The following SLC26A4 variants were observed in gnomAD, a reference collection of about 807,000 sequenced individuals.
SLC26A4 encodes the protein solute carrier family 26 member 4, also known as pendrin.
Under a neutral mutation model 90.4 loss-of-function variants are expected in SLC26A4, and 93 were observed. The observed-to-expected ratio is 1.03, with a 90% CI of 0.87 to 1.22. SLC26A4 has a LOEUF of 1.22. SLC26A4 is among the 50% of genes most tolerant of loss of function. SLC26A4 has a pLI of 0.00. For missense variants in SLC26A4, 1,127 were observed against 946.2 expected, an observed-to-expected ratio of 1.19 and a Z score of -2.51; for synonymous variants, 393 against 354.6, an observed-to-expected ratio of 1.11 and a Z score of -1.22.
intron 12 of SLC26A4, among the ~76,000 whole-genome samples, chr7:107,695,698 A>T (rs558421828): frequency 5.2e-4 from 79 of 152,254 alleles, no homozygotes; most frequent in South Asian, 1.2e-3. Context: ...GGGTAGTCCC[A>T]GCTACTTGGG....
At chr7:107,693,214 C>A in intron 10 of SLC26A4, 1 of 768,540 alleles carries the variant, frequency 1.3e-6, no homozygotes, top group Non-Finnish European at 1.6e-6. Context: ...AGCTTCTCTG[C>A]TTAGTCAGGA....
intron 8 of SLC26A4, among the ~76,000 whole-genome samples, chr7:107,686,348 C>CCCTTCCCTCCCTTCCCT (rs1791406832): frequency 7.2e-6 from 1 of 138,388 alleles, no homozygotes; most frequent in African/African-American, 2.7e-5. Context: ...TCCCTTTCCT[C>CCCTTCCCTCCCTTCCCT]CCCTTCCTAC....
rs201562855 is a variant in SLC26A4 at position 107,690,148 on chromosome 7, A to T, written c.1174A>T (p.Asn392Tyr). 3.7e-6 allele frequency: 6 copies of T among 1,612,002 alleles called. No homozygotes were observed. The East Asian group carries it at 1.3e-4, about 36-fold the overall frequency. ...GGAATTCATTGCCTTTGGGATCAGC[A>T]ACATCTTCTCAGGATTCTTCTCTTG... ...NQEFIAFGIS[N>Y]IFSGFFSCFV... The change falls in exon 10 of 21, where the codon AAC becomes TAC. Residue 392 changes from asparagine (N) to tyrosine (Y), a missense_variant. Transcript: ENST00000644269.
intron 18 of SLC26A4, among the ~76,000 whole-genome samples, chr7:107,706,372 C>T (rs1231939172): frequency 6.6e-6 from 1 of 152,162 alleles, no homozygotes; most frequent in Non-Finnish European, 1.5e-5. Context: ...TGCTTGAGCC[C>T]AGGAATTCAA....
At chr7:107,695,719 G>T (rs371727811) in intron 12 of SLC26A4, among the ~76,000 whole-genome samples, 8 of 152,018 alleles carry the variant, frequency 5.3e-5, no homozygotes, top group Admixed American at 5.2e-4. Flanking sequence ...AGGCTGAGGC[G>T]GGAGGATCAC....
At chr7:107,662,852 T>C (rs1293446297) in intron 2 of SLC26A4, among the ~76,000 whole-genome samples, 1 of 152,210 alleles carries the variant, frequency 6.6e-6, no homozygotes, top group South Asian at 2.1e-4. Flanking sequence ...TTCCTCATGC[T>C]AAGATTTTTG....
chr7:107,698,575 C>T (rs1022650963), intron 14 of SLC26A4, among the ~76,000 whole-genome samples: 1 of 152,104 alleles, frequency 6.6e-6, no homozygotes, highest in Non-Finnish European at 1.5e-5. Flanking sequence ...TCTTGGCCTC[C>T]CAAAGAGTTG....
Position 107,716,116 on chromosome 7 carries a change from G to C in SLC26A4, c.*670G>C, listed in dbSNP as rs1458375600. 1 of 152,022 alleles carries C rather than the reference G, an allele frequency of 6.6e-6. No homozygotes were observed. The highest frequency in any genetic ancestry group is 2.4e-5 in the African/African-American group (1 of 41,400). 9.4% of individuals were successfully genotyped at this position (152,022 alleles called of 1,614,324 possible). ...ATGCAGACAAATGAAATAATAAAGA[G>C]ATTTTCATGGTTTATAAAAATCTTT... On this transcript the variant is annotated 3_prime_UTR_variant, in exon 21 of 21. Coordinates refer to ENST00000644269, the MANE Select transcript of SLC26A4 (RefSeq NM_000441.2).
chr7:107,693,638 C>T, intron 10 of SLC26A4: 1 of 985,926 alleles, frequency 1.0e-6, no homozygotes, highest in Non-Finnish European at 1.2e-6. Context: ...GTAGTCCCCA[C>T]CCCCTCAGCC....
chr7:107,679,415 C>T (rs1262905154), intron 6 of SLC26A4, among the ~76,000 whole-genome samples: 4 of 151,912 alleles, frequency 2.6e-5, no homozygotes, highest in Non-Finnish European at 4.4e-5. Flanking sequence ...AAAAGGTGGT[C>T]GTGAAGCATT....
intron 18 of SLC26A4, among the ~76,000 whole-genome samples, chr7:107,709,784 A>G (rs1307584437): frequency 6.6e-6 from 1 of 152,250 alleles, no homozygotes; most frequent in Non-Finnish European, 1.5e-5. Context: ...AGAGAAAAAT[A>G]AATAAATAAA....
At chr7:107,709,904 G>A (rs1241022295) in intron 18 of SLC26A4, 150 bp from the exon 19 acceptor site, 2 of 652,596 alleles carry the variant, frequency 3.1e-6, no homozygotes, top group Admixed American at 4.7e-5. Flanking sequence ...GGTGAGGTGG[G>A]GGGATCACTT....
At chr7:107,700,279 C>T (rs1028250461) in intron 15 of SLC26A4, 104 bp downstream of exon 15, 1 of 703,972 alleles carries the variant, frequency 1.4e-6, no homozygotes, top group Non-Finnish European at 2.6e-6. Context: ...CCTAGACCCT[C>T]TTCCCTTTGT....
chr7:107,706,880 C>T (rs1288606082), intron 18 of SLC26A4, among the ~76,000 whole-genome samples: 2 of 152,090 alleles, frequency 1.3e-5, no homozygotes, highest in Non-Finnish European at 2.9e-5. Context: ...TGAAAGTATG[C>T]TTAACAAGGC....
intron 10 of SLC26A4, 58 bp from the exon 11 acceptor site, chr7:107,694,345 G>C (rs753456377): frequency 1.1e-4 from 141 of 1,316,202 alleles, no homozygotes; most frequent in Non-Finnish European, 1.4e-4. Flanking sequence ...CATCCAGTGA[G>C]CTGGAAGACA....
At chr7:107,679,872 A>ATATTATTATATAATATAATTTTATAT (rs199539680) in intron 6 of SLC26A4, among the ~76,000 whole-genome samples, 1 of 126,760 alleles carries the variant, frequency 7.9e-6, no homozygotes, top group African/African-American at 3.4e-5. Flanking sequence ...ATATAATCTT[A>ATATTATTATATAATATAATTTTATAT]TATTATATAA....
At chr7:107,673,961 G>A (rs189568433) in intron 4 of SLC26A4, among the ~76,000 whole-genome samples, 1 of 152,066 alleles carries the variant, frequency 6.6e-6, no homozygotes, top group African/African-American at 2.4e-5. Flanking sequence ...GAACTCCTGG[G>A]CTCAAGCGAT....
At chr7:107,702,339 T>C (rs1184617422) in intron 17 of SLC26A4, among the ~76,000 whole-genome samples, 1 of 152,208 alleles carries the variant, frequency 6.6e-6, no homozygotes, top group Non-Finnish European at 1.5e-5. Flanking sequence ...TGATGGTATC[T>C]ACCTTCACAG....
intron 6 of SLC26A4, 94 bp downstream of exon 6, chr7:107,675,203 C>A: frequency 8.3e-7 from 1 of 1,207,502 alleles, no homozygotes; most frequent in Non-Finnish European, 1.2e-6. Flanking sequence ...TGGTGGCTCA[C>A]ACCTGTAATC....
Sources: gnomAD v4.1 joint callset for allele counts (sites outside exome capture counted in the v4.1 genomes callset) on GRCh38, gnomAD v4.1.1 for gene constraint, MANE v1.5 for transcripts, NCBI Gene and HGNC (gene_info 2026-07-23, HGNC 2026-07-21) for gene names.